SLC25A21: variants seen among roughly 807,000 people sequenced by gnomAD.
The protein encoded by SLC25A21 is mitochondrial 2-oxodicarboxylate carrier.
SLC25A21 carries 47 observed loss-of-function variants against 43.8 expected under a neutral mutation model. That is an observed-to-expected ratio of 1.07 (90% CI 0.85 to 1.37). The LOEUF is 1.37. Among genes scored for constraint, SLC25A21 ranks in the 40% most tolerant of loss-of-function variants. SLC25A21 has a pLI of 0.00. For synonymous variants in SLC25A21, 131 were observed against 121.3 expected (o/e 1.08, Z -0.52); for missense variants, 352 against 350.2 (o/e 1.00, Z -0.04).
At chr14:36,807,987 T>A (rs1888104879) in intron 3 of SLC25A21, among the ~76,000 whole-genome samples, 1 of 152,192 alleles carries the variant, frequency 6.6e-6, no homozygotes, top group Non-Finnish European at 1.5e-5. Flanking sequence ...CTAGAAAATA[T>A]TATAATCACC....
intron 1 of SLC25A21, among the ~76,000 whole-genome samples, chr14:37,023,776 C>G (rs1229348240): frequency 6.6e-6 from 1 of 151,914 alleles, no homozygotes; most frequent in African/African-American, 2.4e-5. Context: ...TGTGCTCTCA[C>G]AGAACACTGT....
intron 1 of SLC25A21, among the ~76,000 whole-genome samples, chr14:36,928,006 C>A (rs1892179023): frequency 6.6e-6 from 1 of 152,038 alleles, no homozygotes; most frequent in South Asian, 2.1e-4. Context: ...GCTAGAGCCC[C>A]CGAAGTTATA....
At position 36,764,809 on chromosome 14, in the gene SLC25A21, T is replaced by C. The variant is rs116153161; in HGVS notation, c.204-30236A>G. 9.5e-3 allele frequency among the ~76,000 whole-genome samples: 1,448 copies of C among 152,286 alleles called. 29 individuals are homozygous for C. Among genetic ancestry groups the C allele is most frequent in the African/African-American group, 0.033 (1,352 of 41,566 alleles). On this transcript the variant is annotated intron_variant, in intron 3 of 9. Coordinates refer to ENST00000331299, the MANE Select transcript of SLC25A21 (RefSeq NM_030631.4). ...GGGAGGCGGTGCCCCTAAACTGTTG[T>C]TCTGATGGCAGGTCCCCAGCAGGGT...
intron 6 of SLC25A21, 22 bp downstream of exon 6, chr14:36,725,548 T>C (rs761740173): frequency 3.1e-6 from 4 of 1,297,442 alleles, no homozygotes; most frequent in Non-Finnish European, 4.2e-6. Context: ...CCCCTAACAA[T>C]AGAAAAACAT....
chr14:36,839,451 C>T (rs1339451459), intron 2 of SLC25A21, among the ~76,000 whole-genome samples: 3 of 152,188 alleles, frequency 2.0e-5, no homozygotes, highest in African/African-American at 4.8e-5. Context: ...GCAAAAGGGA[C>T]TAAATTAACT....
At chr14:36,964,474 TGTAACAACATTACAAACTTG>T (rs1295194042) in intron 1 of SLC25A21, among the ~76,000 whole-genome samples, 1 of 152,228 alleles carries the variant, frequency 6.6e-6, no homozygotes, top group Non-Finnish European at 1.5e-5. Flanking sequence ...GGAGAGGCTT[TGTAACAACATTACAAACTTG>T]GTTTGAACAA....
intron 1 of SLC25A21, among the ~76,000 whole-genome samples, chr14:37,068,910 C>G (rs1333318733): frequency 1.3e-5 from 2 of 152,152 alleles, no homozygotes; most frequent in East Asian, 1.9e-4. Context: ...CGCGGTGGCT[C>G]ACGCCTGTAA....
chr14:37,069,853 T>C (rs1962136528), intron 1 of SLC25A21, among the ~76,000 whole-genome samples: 1 of 152,200 alleles, frequency 6.6e-6, no homozygotes, highest in African/African-American at 2.4e-5. Context: ...AAAACCCTGG[T>C]TCTCTGCTCA....
At position 36,680,583 on chromosome 14, in the gene SLC25A21, C is replaced by CGATA; in HGVS notation, c.*71_*74dup. On this transcript the variant is annotated 3_prime_UTR_variant, in exon 10 of 10. Coordinates refer to ENST00000331299, the MANE Select transcript of SLC25A21 (RefSeq NM_030631.4). ...CTTCATAATTATACACCTGGCCGAT[C>CGATA]GATAGTCTCTCTTCTTCATGGTGCT... 6.5e-7 allele frequency: 1 copy of CGATA among 1,533,918 alleles called. No individual in the cohort carries two copies.
chr14:36,679,061 C>T lies in SLC25A21; in HGVS notation c.*1597G>A. ...CAGAAATCCTTTTCTATCTGATCCACATGGAGAGGTTAAAGGTTCAATTTC... is the reference window on the plus strand; with the variant it reads ...CAGAAATCCTTTTCTATCTGATCCATATGGAGAGGTTAAAGGTTCAATTTC... On this transcript the variant is annotated 3_prime_UTR_variant, in exon 10 of 10. Transcript: ENST00000331299. The T allele has an allele frequency of 6.1e-6, 6 of 985,518 alleles. No individual in the cohort carries two copies. Among genetic ancestry groups the T allele is most frequent in the Non-Finnish European group, 6.0e-6 (5 of 830,006 alleles). 61.0% of individuals were successfully genotyped at this position (985,518 alleles called of 1,614,324 possible). A position where few individuals can be genotyped will look rare whatever the true frequency, so the allele number is the denominator to read the frequency against.
chr14:37,051,838 C>T (rs1390181519), intron 1 of SLC25A21, among the ~76,000 whole-genome samples: 2 of 152,188 alleles, frequency 1.3e-5, no homozygotes, highest in South Asian at 4.1e-4. Context: ...TGTCCTTCCA[C>T]CTGCCTGATC....
At chr14:36,731,122 G>A (rs1283371675) in intron 4 of SLC25A21, among the ~76,000 whole-genome samples, 2 of 151,862 alleles carry the variant, frequency 1.3e-5, no homozygotes, top group Non-Finnish European at 2.9e-5. Context: ...ACAGGCGCCC[G>A]CTACCACGCC....
At chr14:36,782,960 TATAA>T (rs1418835612) in intron 3 of SLC25A21, among the ~76,000 whole-genome samples, 3 of 88,442 alleles carry the variant, frequency 3.4e-5, no homozygotes, top group African/African-American at 7.4e-5. Context: ...AATAAAAAAA[TATAA>T]ATAAATAAAA....
chr14:36,895,308 A>AT (rs2138588902), intron 1 of SLC25A21, among the ~76,000 whole-genome samples: 1 of 152,018 alleles, frequency 6.6e-6, no homozygotes, highest in Non-Finnish European at 1.5e-5. Context: ...TTTCTTCTAC[A>AT]TTTTCTAGTT....
chr14:36,845,827 T>C (rs372046978), intron 2 of SLC25A21, among the ~76,000 whole-genome samples: 1 of 152,248 alleles, frequency 6.6e-6, no homozygotes, highest in Non-Finnish European at 1.5e-5. Flanking sequence ...GGGTGGGATC[T>C]TGTGATCGCA....
chr14:36,925,749 A>G (rs2138630292), intron 1 of SLC25A21, among the ~76,000 whole-genome samples: 1 of 152,252 alleles, frequency 6.6e-6, no homozygotes, highest in Admixed American at 6.5e-5. Flanking sequence ...AGGGAGGCTG[A>G]GGCAGGAGAA....
chr14:36,917,241 C>T (rs1416375110), intron 1 of SLC25A21, among the ~76,000 whole-genome samples: 1 of 152,116 alleles, frequency 6.6e-6, no homozygotes, highest in Non-Finnish European at 1.5e-5. Context: ...CCATTCCCCT[C>T]ATCCAGGCCT....
intron 1 of SLC25A21, among the ~76,000 whole-genome samples, chr14:37,034,864 C>G (rs916380324): frequency 6.6e-6 from 1 of 152,180 alleles, no homozygotes; most frequent in South Asian, 2.1e-4. Flanking sequence ...GAAGAGCATT[C>G]GGCTCCACAG....
At chr14:36,814,354 A>G (rs1888377050) in intron 2 of SLC25A21, among the ~76,000 whole-genome samples, 1 of 119,424 alleles carries the variant, frequency 8.4e-6, no homozygotes, top group African/African-American at 3.1e-5. Flanking sequence ...TGCATATGAA[A>G]AAAGTCAGTA....
Sources: gnomAD v4.1 joint callset for allele counts (sites outside exome capture counted in the v4.1 genomes callset) on GRCh38, gnomAD v4.1.1 for gene constraint, MANE v1.5 for transcripts, NCBI Gene and HGNC (gene_info 2026-07-23, HGNC 2026-07-21) for gene names.